IL17REL: variants seen among roughly 807,000 people sequenced by gnomAD.
The protein encoded by IL17REL is interleukin-17 receptor E-like protein.
Under a neutral mutation model 49.0 loss-of-function variants are expected in IL17REL, and 36 were observed. That is an observed-to-expected ratio of 0.73 (90% CI 0.56 to 0.97). The LOEUF is 0.97. Among genes scored for constraint, IL17REL ranks in the 50% least tolerant of loss-of-function variants. The probability of loss-of-function intolerance (pLI) is 0.00; values close to 1 mark genes in which losing one functional copy is unlikely to be tolerated. For missense variants in IL17REL, 470 were observed against 453.9 expected (o/e 1.04, Z -0.32); for synonymous variants, 206 against 192.4 (o/e 1.07, Z -0.58).
At chr22:50,011,290 C>G (rs2061140096), upstream of IL17REL, among the ~76,000 whole-genome samples, 1 of 151,526 alleles carries the variant, frequency 6.6e-6, no homozygotes, top group Non-Finnish European at 1.5e-5. Context: ...CGCCTCAGCC[C>G]CTGCCCTTGC....
At chr22:50,002,495 C>CTT (rs398040533) in intron 1 of IL17REL, among the ~76,000 whole-genome samples, 1,377 of 127,876 alleles carry the variant, frequency 0.011, 31 homozygotes, top group East Asian at 0.08. Context: ...CTTTTCTTTT[C>CTT]TTTTTTTTTT....
At chr22:49,999,995 G>A in intron 4 of IL17REL, 28 bp from the exon 7 acceptor site, 1 of 1,479,720 alleles carries the variant, frequency 6.8e-7, no homozygotes, top group Non-Finnish European at 9.0e-7. Flanking sequence ...TCGGGGCCGC[G>A]CTGGGACCAG....
chr22:49,999,135 C>T lies in IL17REL; in HGVS notation c.601+156G>A, dbSNP rs369338278. Among the ~76,000 whole-genome samples, 97 of 152,234 alleles carry T rather than the reference C, an allele frequency of 6.4e-4. No individual in the cohort carries two copies. In the South Asian group the frequency reaches 0.013, roughly 21 times the overall value. On this transcript the variant is annotated intron_variant, in intron 7 of 12. Transcript: ENST00000341280. ...ACACTTATGCACATCCACATCTGTG[C>T]GCAGGTTCCCTTGGTGACAAGCCCT...
At chr22:49,998,817 G>C (rs1177219915) in intron 7 of IL17REL, among the ~76,000 whole-genome samples, 1 of 151,796 alleles carries the variant, frequency 6.6e-6, no homozygotes, top group Non-Finnish European at 1.5e-5. Context: ...CTGCCTGCGC[G>C]TGGGTGTGCG....
chr22:49,997,448 C>G, intron 10 of IL17REL: 1 of 1,596,960 alleles, frequency 6.3e-7, no homozygotes, highest in Non-Finnish European at 8.6e-7. Context: ...CGGAGGTGGC[C>G]CTTTGTGGGC....
chr22:49,995,666 C>T (rs1410363582), exon 13 of IL17REL: 2 of 152,378 alleles, frequency 1.3e-5, no homozygotes, highest in African/African-American at 4.8e-5. Flanking sequence ...AGCCCTGCCC[C>T]CACTGTGCGA....
intron 9 of IL17REL, 138 bp from the exon 12 acceptor site, chr22:49,997,880 C>A: frequency 1.5e-6 from 2 of 1,379,258 alleles, no homozygotes; most frequent in South Asian, 2.4e-5. Flanking sequence ...CTTAGCTCAC[C>A]CACTGTCAGA....
Position 49,998,249 on chromosome 22 carries a change from AGT to A in IL17REL, c.660_661del (p.Leu221GlufsTer26). 1 of 1,612,532 alleles carries A rather than the reference AGT, an allele frequency of 6.2e-7. No individual in the cohort carries two copies. The highest frequency in any genetic ancestry group is 8.5e-7 in the Non-Finnish European group (1 of 1,179,892). ...CACAGGGCAGGCGGGCTCCCAGCTC[AGT>A]GTCTGGCTCTCCGGGTGGTAGTAGA... On this transcript the variant is annotated frameshift_variant, in exon 8 of 13. Transcript: ENST00000341280. LOFTEE classifies it high-confidence loss of function.
intron 10 of IL17REL, 61 bp from the exon 13 acceptor site, chr22:49,997,544 C>A: frequency 7.6e-7 from 1 of 1,322,288 alleles, no homozygotes. Flanking sequence ...TCCCTTCCTT[C>A]CCCAGTGGGC....
chr22:49,992,959 C>T (rs1165833587), downstream of IL17REL, among the ~76,000 whole-genome samples: 4 of 152,218 alleles, frequency 2.6e-5, no homozygotes, highest in African/African-American at 4.8e-5. Flanking sequence ...CCCCATCGTG[C>T]TCCCAGCCTC....
upstream of IL17REL, among the ~76,000 whole-genome samples, chr22:50,010,741 C>T (rs2061135114): frequency 6.6e-6 from 1 of 151,524 alleles, no homozygotes; most frequent in Non-Finnish European, 1.5e-5. Flanking sequence ...GAACGTCGCG[C>T]GGTTCTGCCC....
intron 7 of IL17REL, among the ~76,000 whole-genome samples, chr22:49,998,915 G>A (rs925841384): frequency 6.6e-6 from 1 of 151,948 alleles, no homozygotes; most frequent in Admixed American, 6.6e-5. Context: ...GGGCGTGTAT[G>A]TTCATGGGTG....
exon 13 of IL17REL, chr22:49,996,113 C>T (rs2061032774): frequency 6.6e-6 from 1 of 152,340 alleles, no homozygotes; most frequent in African/African-American, 2.4e-5. Flanking sequence ...GCAGGCTGCC[C>T]TGAAATGGCT....
intron 1 of IL17REL, among the ~76,000 whole-genome samples, chr22:50,007,764 TCTC>T (rs941523698): frequency 6.6e-6 from 1 of 152,116 alleles, no homozygotes; most frequent in African/African-American, 2.4e-5. Flanking sequence ...GCTGATCTAA[TCTC>T]CTCCCTTAAG....
At chr22:50,010,828 G>T (rs866716062), upstream of IL17REL, among the ~76,000 whole-genome samples, 1 of 147,250 alleles carries the variant, frequency 6.8e-6, no homozygotes, top group East Asian at 2.1e-4. Context: ...GCGGGGGGGG[G>T]CTGAGCCCGG....
exon 4 of IL17REL, chr22:50,000,509 C>T (rs1349438620): frequency 1.2e-6 from 2 of 1,613,552 alleles, no homozygotes; most frequent in Non-Finnish European, 1.7e-6. Flanking sequence ...CCAGCTGGAC[C>T]CCGCAGAAAT....
exon 5 of IL17REL, chr22:49,999,841 C>T (rs1425450142): frequency 2.0e-6 from 3 of 1,518,102 alleles, no homozygotes; most frequent in Non-Finnish European, 2.6e-6. Flanking sequence ...CACAGGGGCG[C>T]CGGCGTCCTC....
chr22:50,010,810 G>C (rs981470556), upstream of IL17REL, among the ~76,000 whole-genome samples: 13 of 28,210 alleles, frequency 4.6e-4, no homozygotes, highest in African/African-American at 1.4e-3. Flanking sequence ...AAGGTGGGGG[G>C]AGCGGGGGCG....
chr22:49,996,952 TGGA>T, intron 12 of IL17REL, 39 bp downstream of exon 14: 1 of 1,035,132 alleles, frequency 9.7e-7, no homozygotes, highest in Non-Finnish European at 1.4e-6. Flanking sequence ...GGTCCTGCAG[TGGA>T]GGAGATGGCT....
Sources: gnomAD v4.1 joint callset for allele counts (sites outside exome capture counted in the v4.1 genomes callset) on GRCh38, gnomAD v4.1.1 for gene constraint, MANE v1.5 for transcripts, NCBI Gene and HGNC (gene_info 2026-07-23, HGNC 2026-07-21) for gene names.